The following NLGN1 variants were observed in gnomAD, a reference collection of about 807,000 sequenced individuals.
NLGN1 encodes the protein neuroligin-1.
NLGN1 carries 12 observed loss-of-function variants against 65.5 expected under a neutral mutation model. The observed-to-expected ratio is 0.18, with a 90% CI of 0.12 to 0.30. The LOEUF (loss-of-function observed/expected upper bound fraction) is 0.30. NLGN1 is among the 10% of genes least tolerant of loss of function. NLGN1 has a pLI of 1.00. For missense variants in NLGN1, 750 were observed against 1,007.1 expected, an observed-to-expected ratio of 0.74 and a Z score of 3.46; for synonymous variants, 350 against 359.5, an observed-to-expected ratio of 0.97 and a Z score of 0.30.
intron 2 of NLGN1, among the ~76,000 whole-genome samples, chr3:173,537,104 C>A (rs926657527): frequency 1.3e-5 from 2 of 152,176 alleles, no homozygotes; most frequent in African/African-American, 4.8e-5. Flanking sequence ...CTGAGTCCAC[C>A]AGTTCACTGT....
intron 4 of NLGN1, among the ~76,000 whole-genome samples, chr3:173,944,636 T>C (rs1304291811): frequency 6.6e-6 from 1 of 152,184 alleles, no homozygotes; most frequent in Non-Finnish European, 1.5e-5. Context: ...TCTTAATAAC[T>C]TCTCCTATCA....
intron 4 of NLGN1, among the ~76,000 whole-genome samples, chr3:173,977,962 G>T (rs1177375166): frequency 6.6e-6 from 1 of 151,978 alleles, no homozygotes; most frequent in Non-Finnish European, 1.5e-5. Flanking sequence ...GTGGCTTGAG[G>T]GTAATGAGAA....
chr3:173,498,835 G>C (rs929106977), intron 2 of NLGN1, among the ~76,000 whole-genome samples: 6 of 151,696 alleles, frequency 4.0e-5, no homozygotes, highest in Non-Finnish European at 5.9e-5. Flanking sequence ...TGTGTCTGTT[G>C]GCTGCATAAA....
chr3:173,404,103 A>C (rs1718188559), intron 1 of NLGN1, among the ~76,000 whole-genome samples: 1 of 152,168 alleles, frequency 6.6e-6, no homozygotes, highest in South Asian at 2.1e-4. Flanking sequence ...TAAATTATAA[A>C]TAAATTGAAT....
intron 2 of NLGN1, among the ~76,000 whole-genome samples, chr3:173,549,072 G>A (rs1195226505): frequency 1.3e-5 from 2 of 151,770 alleles, no homozygotes; most frequent in African/African-American, 2.4e-5. Flanking sequence ...AAAAAAATTT[G>A]TGTTAAAACA....
chr3:174,095,222 TAAAA>T (rs1189638040), intron 4 of NLGN1, among the ~76,000 whole-genome samples: 1 of 114,826 alleles, frequency 8.7e-6, no homozygotes, highest in African/African-American at 3.2e-5. Flanking sequence ...TTTTAAAAAC[TAAAA>T]AAAAAAAAAA....
intron 2 of NLGN1, among the ~76,000 whole-genome samples, chr3:173,534,850 T>G (rs1737177287): frequency 6.6e-6 from 1 of 152,114 alleles, no homozygotes; most frequent in South Asian, 2.1e-4. Context: ...CTGGTGGAGC[T>G]CCCCACCCCC....
At chr3:173,422,513 G>C (rs1209487479) in intron 1 of NLGN1, among the ~76,000 whole-genome samples, 1 of 152,070 alleles carries the variant, frequency 6.6e-6, no homozygotes, top group Non-Finnish European at 1.5e-5. Flanking sequence ...AGGTCATATG[G>C]TATTTTTATT....
chr3:173,913,354 A>G (rs1238877234), intron 4 of NLGN1, among the ~76,000 whole-genome samples: 1 of 152,168 alleles, frequency 6.6e-6, no homozygotes, highest in South Asian at 2.1e-4. Flanking sequence ...ATACCCTGGC[A>G]TGTGGGAATA....
chr3:174,197,031 A>C (rs1039550330), intron 4 of NLGN1, among the ~76,000 whole-genome samples: 2 of 152,032 alleles, frequency 1.3e-5, no homozygotes, highest in South Asian at 2.1e-4. Flanking sequence ...AGTCATTTGG[A>C]GCGTCTCCTG....
At chr3:173,410,337 C>T (rs1712265433) in intron 1 of NLGN1, among the ~76,000 whole-genome samples, 3 of 152,220 alleles carry the variant, frequency 2.0e-5, no homozygotes, top group African/African-American at 7.2e-5. Flanking sequence ...ACACTGTGCT[C>T]ACCTACTAAT....
intron 3 of NLGN1, among the ~76,000 whole-genome samples, chr3:173,611,074 T>C (rs1191401127): frequency 2.0e-5 from 3 of 151,972 alleles, no homozygotes; most frequent in East Asian, 3.9e-4. Flanking sequence ...AAAATTAGTA[T>C]GTTGCTATGC....
chr3:174,263,069 T>A (rs569943124), intron 4 of NLGN1, among the ~76,000 whole-genome samples: 1,551 of 112,008 alleles, frequency 0.014, no homozygotes, highest in South Asian at 0.021. Flanking sequence ...ATAATGTCTG[T>A]TCTTTTACAT....
intron 3 of NLGN1, among the ~76,000 whole-genome samples, chr3:173,748,367 C>G (rs1775835679): frequency 2.0e-5 from 3 of 152,056 alleles, no homozygotes; most frequent in Admixed American, 2.0e-4. Context: ...TGGAGAAATA[C>G]TATCTACTGG....
At chr3:174,006,605 A>G (rs942718532) in intron 4 of NLGN1, among the ~76,000 whole-genome samples, 5 of 152,092 alleles carry the variant, frequency 3.3e-5, no homozygotes, top group Admixed American at 6.6e-5. Flanking sequence ...ATTTTATTCT[A>G]TCTATTCATC....
At chr3:173,699,794 A>G (rs775141283) in intron 3 of NLGN1, among the ~76,000 whole-genome samples, 4 of 152,246 alleles carry the variant, frequency 2.6e-5, no homozygotes, top group Non-Finnish European at 4.4e-5. Context: ...GGACTGGTGA[A>G]TAGACACACT....
intron 4 of NLGN1, among the ~76,000 whole-genome samples, chr3:174,129,239 T>G (rs1476241334): frequency 1.3e-5 from 2 of 152,018 alleles, no homozygotes; most frequent in African/African-American, 4.8e-5. Flanking sequence ...AAACGATCAA[T>G]TTTTTGGCTC....
Position 173,814,134 on chromosome 3 carries a change from C to T in NLGN1, c.646+6302C>T, listed in dbSNP as rs574046523. Among the ~76,000 whole-genome samples the T allele has an allele frequency of 5.9e-5, 9 of 152,328 alleles. No individual in the cohort carries two copies. The East Asian group carries it at 9.7e-4, about 16-fold the overall frequency. On this transcript the variant is annotated intron_variant, in intron 4 of 6. Coordinates refer to ENST00000457714, the Ensembl canonical transcript of NLGN1. ...GGGTCTGTGGCTTTCACCCAGGGTG[C>T]GTGTCTCGCCCACAGGGGCACCCCA... is the stretch of plus-strand genomic sequence containing the variant.
intron 4 of NLGN1, among the ~76,000 whole-genome samples, chr3:174,053,271 C>T (rs1560929544): frequency 6.6e-6 from 1 of 151,872 alleles, no homozygotes; most frequent in Non-Finnish European, 1.5e-5. Context: ...TTGCTCTACT[C>T]AGGTCTCAGG....
Sources: allele counts gnomAD v4.1 joint callset (sites outside exome capture counted in the v4.1 genomes callset), GRCh38; gene constraint gnomAD v4.1.1; transcripts MANE v1.5; gene names NCBI Gene and HGNC (gene_info 2026-07-23, HGNC 2026-07-21).